The following FAT3 variants were observed in gnomAD, a reference collection of about 807,000 sequenced individuals.
The protein encoded by FAT3 is FAT atypical cadherin 3.
Under a neutral mutation model 310.2 loss-of-function variants are expected in FAT3, and 95 were observed. The ratio of observed to expected loss-of-function variants is 0.31; its 90% CI spans 0.26 to 0.36. The LOEUF (loss-of-function observed/expected upper bound fraction) is 0.36. Among genes scored for constraint, FAT3 ranks in the 10% least tolerant of loss-of-function variants. The probability of loss-of-function intolerance (pLI) is 1.00; values close to 1 mark genes in which losing one functional copy is unlikely to be tolerated. For synonymous variants in FAT3, 2,314 were observed against 2,192.9 expected (o/e 1.06, Z -1.54); for missense variants, 5,408 against 5,715.6 (o/e 0.95, Z 1.74).
At position 92,891,457 on chromosome 11, in the gene FAT3, A is replaced by T. The variant is rs1046230110; in HGVS notation, c.*344A>T. ...AGTATTGTGCCCTGGAAAGTGTTAC[A>T]GCATCAGTCCTTGCAGTATTAAAAA... On this transcript the variant is annotated 3_prime_UTR_variant, in exon 28 of 28. Coordinates refer to ENST00000525166, the MANE Select transcript of FAT3 (RefSeq NM_001367949.2). 7 of 323,070 alleles carry T rather than the reference A, an allele frequency of 2.2e-5. No individual in the cohort carries two copies. Among genetic ancestry groups the T allele is most frequent in the Admixed American group, 8.6e-5 (2 of 23,386 alleles). The allele number at this position is 323,070 out of a possible 1,614,324, so 20.0% of individuals were successfully genotyped here.
chr11:92,600,774 A>G lies in FAT3; in HGVS notation c.3607+75826A>G, dbSNP rs1021323054. On this transcript the variant is annotated intron_variant, in intron 3 of 27. Coordinates refer to ENST00000525166, the MANE Select transcript of FAT3 (RefSeq NM_001367949.2). ...TGAAAACTCCTGGAAAAAAAATAAG[A>G]CAGAAAAGTAGGAAAAAGAATGATA... Among the ~76,000 whole-genome samples the G allele has an allele frequency of 4.6e-5, 7 of 152,158 alleles. 1 individual carries two copies. Among genetic ancestry groups the G allele is most frequent in the Admixed American group, 3.9e-4 (6 of 15,268 alleles).
intron 22 of FAT3, among the ~76,000 whole-genome samples, chr11:92,869,324 G>T (rs1056060542): frequency 6.6e-6 from 1 of 152,190 alleles, no homozygotes; most frequent in Non-Finnish European, 1.5e-5. Flanking sequence ...GTAGACACCC[G>T]GACGTGTCCC....
At chr11:92,446,221 C>T (rs574249842) in intron 2 of FAT3, among the ~76,000 whole-genome samples, 6 of 152,282 alleles carry the variant, frequency 3.9e-5, no homozygotes, top group African/African-American at 1.4e-4. Context: ...ATACTATGTG[C>T]TTACATGCAC....
rs539421010 is a variant in FAT3 at position 92,224,871 on chromosome 11, C to G, written c.-321C>G. Among the ~76,000 whole-genome samples the G allele has an allele frequency of 3.7e-3, 568 of 152,142 alleles. 6 individuals carry two copies. The highest frequency in any genetic ancestry group is 5.5e-3 in the Non-Finnish European group (372 of 67,986). The stretch of plus-strand genomic sequence containing the variant: ...AGACAGGAGAGCCGGCGCTCCTCCC[C>G]GCAGGCTGCGCTGTGAACTGGCCTG... On this transcript the variant is annotated 5_prime_UTR_variant, in exon 1 of 28. Coordinates refer to ENST00000525166, the MANE Select transcript of FAT3 (RefSeq NM_001367949.2).
chr11:92,741,064 A>G (rs1200324953), intron 4 of FAT3, among the ~76,000 whole-genome samples: 4 of 152,108 alleles, frequency 2.6e-5, no homozygotes, highest in East Asian at 1.9e-4. Flanking sequence ...TTTTTGAGAC[A>G]GAGTCTCACT....
At chr11:92,856,040 G>A (rs973734527) in intron 19 of FAT3, among the ~76,000 whole-genome samples, 4 of 149,344 alleles carry the variant, frequency 2.7e-5, no homozygotes, top group Non-Finnish European at 5.9e-5. Context: ...GTGTGCAGTG[G>A]CATAATCATA....
rs1310357435 is a variant in FAT3 at position 92,883,413 on chromosome 11, G to C, written c.12937+20G>C. 1 of 1,582,278 alleles carries C rather than the reference G, an allele frequency of 6.3e-7. No individual in the cohort carries two copies. The highest frequency in any genetic ancestry group is 1.2e-5 in the South Asian group (1 of 86,254). On this transcript the variant is annotated intron_variant, in intron 24 of 27. Coordinates refer to ENST00000525166, the MANE Select transcript of FAT3 (RefSeq NM_001367949.2). This position sits in a 1 kb window ranked among gnomAD's most constrained non-coding sequence, Gnocchi z 4.2. ...CTGAGAGTGAGTAGGAAGTGGTAAT[G>C]CTCACCCCTCGGTGCTTACAGGGAA...
At position 92,867,624 on chromosome 11, in the gene FAT3, C is replaced by A. The variant is rs80155203; in HGVS notation, c.12127+415C>A. Among the ~76,000 whole-genome samples the A allele has an allele frequency of 1.9e-3, 291 of 152,240 alleles. 2 individuals are homozygous for A. The highest frequency in any genetic ancestry group is 6.9e-3 in the African/African-American group (285 of 41,546). On this transcript the variant is annotated intron_variant, in intron 22 of 27. Transcript: ENST00000525166. ...ATGCCCATGCACATGAAATTGCTGACCAGACGTAGACATAAAACCTTACTA... is the reference window on the plus strand; with the variant it reads ...ATGCCCATGCACATGAAATTGCTGAACAGACGTAGACATAAAACCTTACTA...
chr11:92,734,769 G>C (rs962658288), intron 4 of FAT3, among the ~76,000 whole-genome samples: 3 of 152,110 alleles, frequency 2.0e-5, no homozygotes, highest in African/African-American at 7.2e-5. Flanking sequence ...GGAAGAGTAG[G>C]CACAGCGTGT....
rs564429018 is a variant in FAT3, at chr11:92,471,706, A to G, written c.3293-52928A>G. Among the ~76,000 whole-genome samples, 48 of 152,178 alleles carry G rather than the reference A, an allele frequency of 3.2e-4. 1 individual carries two copies. In the South Asian group the frequency reaches 7.9e-3, roughly 25 times the overall value. The stretch of plus-strand genomic sequence containing the variant: ...AAGAAAACTCATCTACAAATGCAGG[A>G]AAGTTTATTCTAGCATTCCTTCTAA... On this transcript the variant is annotated intron_variant, in intron 2 of 27. Transcript: ENST00000525166.
chr11:92,254,918 C>T (rs1029258270), intron 1 of FAT3, among the ~76,000 whole-genome samples: 1 of 151,254 alleles, frequency 6.6e-6, no homozygotes, highest in Non-Finnish European at 1.5e-5. Context: ...GTTAGCCAGG[C>T]TGATCTTGAA....
At chr11:92,434,552 G>T (rs912405340) in intron 2 of FAT3, among the ~76,000 whole-genome samples, 6 of 152,206 alleles carry the variant, frequency 3.9e-5, no homozygotes, top group African/African-American at 1.4e-4. Context: ...AATATCTCCT[G>T]CACCTGACAT....
At chr11:92,604,647 C>T (rs1442366148) in intron 3 of FAT3, among the ~76,000 whole-genome samples, 1 of 152,336 alleles carries the variant, frequency 6.6e-6, no homozygotes, top group South Asian at 2.1e-4. Context: ...TCTGTCTATA[C>T]TCATCCTGTA....
rs1947239518 is a variant in FAT3, at chr11:92,798,570, G to A, written c.5557G>A (p.Val1853Met). Residue 1853 changes from valine to methionine, a missense_variant, in exon 10 of 28, where the codon GTG becomes ATG. Physicochemically the swap from Val to Met is conservative, Grantham distance 21. Coordinates refer to ENST00000525166, the MANE Select transcript of FAT3 (RefSeq NM_001367949.2). ...TGCCCATTTCCATTTTCATGTGCATGTGAGAGACAGTGGTAGCCCCCAACT... is the reference window on the plus strand; with the variant it reads ...TGCCCATTTCCATTTTCATGTGCATATGAGAGACAGTGGTAGCCCCCAACT... ...TIAHFHFHVH[V>M]RDSGSPQLTA... The A allele has an allele frequency of 2.5e-6, 4 of 1,613,768 alleles. No homozygotes were observed. The highest frequency in any genetic ancestry group is 3.4e-6 in the Non-Finnish European group (4 of 1,179,756).
At chr11:92,773,590 G>A (rs983537932) in intron 6 of FAT3, among the ~76,000 whole-genome samples, 3 of 152,094 alleles carry the variant, frequency 2.0e-5, no homozygotes, top group Non-Finnish European at 2.9e-5. Flanking sequence ...GCAGCCAAAT[G>A]TTTACCATCA....
At position 92,450,126 on chromosome 11, in the gene FAT3, C is replaced by A. The variant is rs537954797; in HGVS notation, c.3293-74508C>A. 2.0e-5 allele frequency among the ~76,000 whole-genome samples: 3 copies of A among 152,328 alleles called. No individual in the cohort carries two copies. The Middle Eastern group carries it at 0.01, about 518-fold the overall frequency. On this transcript the variant is annotated intron_variant, in intron 2 of 27. Transcript: ENST00000525166. ...TCGGCTTTGACAACTGTGTATACGG[C>A]CCCTGCCTGACCTGCCTGTACTCAG... is the stretch of plus-strand genomic sequence containing the variant.
At chr11:92,342,406 C>T (rs924903368) in intron 1 of FAT3, among the ~76,000 whole-genome samples, 1 of 152,056 alleles carries the variant, frequency 6.6e-6, no homozygotes, top group African/African-American at 2.4e-5. Flanking sequence ...TCGTATCTTC[C>T]GATTTTACTT....
chr11:92,798,427 G>A lies in FAT3; in HGVS notation c.5414G>A (p.Ser1805Asn). The change falls in exon 10 of 28, where the codon AGC becomes AAC. Residue 1805 changes from serine to asparagine, a missense_variant. Transcript: ENST00000525166. Reference sequence around the variant, plus strand: ...GTGATTCGAGCCACAGATGCTGACAGCAACCGGAATGCTCTGCTTGTGTAT... The same window carrying A: ...GTGATTCGAGCCACAGATGCTGACAACAACCGGAATGCTCTGCTTGTGTAT... ...PLVIRATDAD[S>N]NRNALLVYQI... The A allele has an allele frequency of 1.9e-6, 3 of 1,613,164 alleles. No individual in the cohort carries two copies. The highest frequency in any genetic ancestry group is 2.5e-6 in the Non-Finnish European group (3 of 1,179,726).
At chr11:92,839,585 A>G (rs969890822) in intron 17 of FAT3, among the ~76,000 whole-genome samples, 1 of 152,212 alleles carries the variant, frequency 6.6e-6, no homozygotes, top group Non-Finnish European at 1.5e-5. Context: ...TCATAAGACT[A>G]ATTCAACACA....
Sources: allele counts gnomAD v4.1 joint callset (sites outside exome capture counted in the v4.1 genomes callset), GRCh38; gene constraint gnomAD v4.1.1; non-coding constraint Gnocchi (gnomAD v3.1); transcripts MANE v1.5; gene names NCBI Gene and HGNC (gene_info 2026-07-23, HGNC 2026-07-21).